The following CD109 variants were observed in gnomAD, a reference collection of about 807,000 sequenced individuals.
CD109 encodes CD109 molecule.
A neutral mutation model predicts 165.8 loss-of-function variants in CD109; 149 were observed. The observed-to-expected ratio is 0.90, with a 90% confidence interval of 0.79 to 1.03. The LOEUF (loss-of-function observed/expected upper bound fraction) is 1.03. CD109 is among the 50% of genes least tolerant of loss of function. The pLI, the probability that CD109 is intolerant of heterozygous loss-of-function variation, is 0.00. For missense variants in CD109, 1,712 were observed against 1,677.8 expected (o/e 1.02, Z -0.36); for synonymous variants, 585 against 592.1 (o/e 0.99, Z 0.18).
upstream of CD109, chr6:73,695,344 C>G (rs1770778789): frequency 6.6e-6 from 1 of 152,234 alleles, no homozygotes; most frequent in South Asian, 2.1e-4. Flanking sequence ...TCAATAACTC[C>G]TGGGCACCAC....
chr6:73,791,180 C>CAT (rs1562071040), intron 22 of CD109, among the ~76,000 whole-genome samples: 1,766 of 49,598 alleles, frequency 0.036, 132 homozygotes, highest in African/African-American at 0.1. Context: ...TATATATACA[C>CAT]ACACACACAT....
chr6:73,760,617 G>T (rs1331989719), intron 7 of CD109, among the ~76,000 whole-genome samples: 1 of 151,928 alleles, frequency 6.6e-6, no homozygotes, highest in African/African-American at 2.4e-5. Context: ...GGGCCAAACT[G>T]GGTGGATCAC....
chr6:73,729,645 C>T (rs1772283115), intron 3 of CD109, among the ~76,000 whole-genome samples: 1 of 151,934 alleles, frequency 6.6e-6, no homozygotes, highest in Admixed American at 6.6e-5. Flanking sequence ...CCCGGAGTAG[C>T]TGGGACTACA....
intron 3 of CD109, 105 bp from the exon 4 acceptor site, chr6:73,730,239 C>A: frequency 1.4e-6 from 1 of 737,790 alleles, no homozygotes; most frequent in Non-Finnish European, 2.3e-6. Context: ...ATCGCAGTTA[C>A]TTTTGATAAT....
chr6:73,766,958 CT>C lies in CD109; in HGVS notation c.1449del (p.Phe483LeufsTer11). On this transcript the variant is annotated frameshift_variant, in exon 13 of 33. Transcript: ENST00000287097. LOFTEE classifies it high-confidence loss of function. ...AAGGTTTTTTTCTAGGTGGGATCGCCTTTTGAGTTGGTGGTTAGTGGCAACA... is the reference window on the plus strand; with the variant it reads ...AAGGTTTTTTTCTAGGTGGGATCGCCTTTGAGTTGGTGGTTAGTGGCAACA... ...TRDENIKVGS[P>X]FELVVSGNKR... 1 of 1,613,242 alleles carries C rather than the reference CT, an allele frequency of 6.2e-7. No homozygotes were observed. Among genetic ancestry groups the C allele is most frequent in the Non-Finnish European group, 8.5e-7 (1 of 1,179,678 alleles).
chr6:73,810,214 T>A, intron 27 of CD109, 40 bp downstream of exon 27: 1 of 647,664 alleles, frequency 1.5e-6, no homozygotes, highest in South Asian at 5.7e-5. Flanking sequence ...CTATAATATA[T>A]AATATAGATT....
chr6:73,777,284 T>A (rs1214314589), intron 15 of CD109, among the ~76,000 whole-genome samples: 1 of 152,130 alleles, frequency 6.6e-6, no homozygotes, highest in Non-Finnish European at 1.5e-5. Flanking sequence ...AAAAAATTTT[T>A]TTTTTCTTGT....
At chr6:73,818,989 G>A (rs1269557573) in intron 31 of CD109, among the ~76,000 whole-genome samples, 1 of 152,134 alleles carries the variant, frequency 6.6e-6, no homozygotes, top group East Asian at 1.9e-4. Context: ...ATGCCACCAT[G>A]CCTAGATAAT....
At chr6:73,820,425 G>A in intron 31 of CD109, 36 bp from the exon 32 acceptor site, 4 of 1,183,232 alleles carry the variant, frequency 3.4e-6, no homozygotes, top group Non-Finnish European at 3.7e-6. Context: ...AACACACAGT[G>A]TGCCAACCCC....
chr6:73,751,676 G>A (rs2150208329), intron 5 of CD109, among the ~76,000 whole-genome samples: 1 of 152,258 alleles, frequency 6.6e-6, no homozygotes, highest in African/African-American at 2.4e-5. Context: ...ACAGCTTGAG[G>A]ATGCTCCCAG....
In CD109 at chr6:73,815,129, T is replaced by C. The variant is rs1435288470; in HGVS notation, c.3911+6T>C. On this transcript the variant is annotated splice_donor_region_variant and intron_variant, in intron 30 of 32. Coordinates refer to ENST00000287097, the MANE Select transcript of CD109 (RefSeq NM_133493.5). ...GATTTGAATGTGTGTACAAGGTAAG[T>C]GTCTGCTTAGGTCTCTCTTCTTTTT... The C allele has an allele frequency of 1.3e-6, 2 of 1,568,730 alleles. No homozygotes were observed. The highest frequency in any genetic ancestry group is 4.2e-5 in the Admixed American group (2 of 48,106).
chr6:73,781,600 C>T (rs1011962563), intron 17 of CD109, among the ~76,000 whole-genome samples: 1 of 152,096 alleles, frequency 6.6e-6, no homozygotes, highest in Non-Finnish European at 1.5e-5. Flanking sequence ...CTGGAAGCTG[C>T]TTTTCTTCTG....
Position 73,696,263 on chromosome 6 carries a change from C to T in CD109, c.48C>T (p.Cys16=), listed in dbSNP as rs751959358. The change falls in exon 1 of 33, where the codon TGC becomes TGT. Residue 16 remains cysteine (C), a synonymous_variant. Coordinates refer to ENST00000287097, the MANE Select transcript of CD109 (RefSeq NM_133493.5). ...LLTAAHLLCV[C]TAALAVAPGP... is the part of the protein sequence containing the mutation. ...CCGCCGCCCACCTCCTCTGCGTGTG[C>T]ACCGCCGCGCTGGCCGTGGCTCCCG... 5.9e-6 allele frequency: 9 copies of T among 1,532,634 alleles called. No homozygotes were observed. The East Asian group carries it at 2.0e-4, about 34-fold the overall frequency. The allele number at this position is 1,532,634 out of a possible 1,614,324, so 94.9% of individuals were successfully genotyped here.
chr6:73,681,224 G>A, the CD109 span, among the ~76,000 whole-genome samples: 1 of 151,678 alleles, frequency 6.6e-6, no homozygotes, highest in Non-Finnish European at 1.5e-5. Flanking sequence ...TATATTTAAG[G>A]TATACAATGT....
rs760476361 is a variant in CD109, at chr6:73,787,300, A to G, written c.2404A>G (p.Thr802Ala). 13 of 1,613,970 alleles carry G rather than the reference A, an allele frequency of 8.1e-6. No individual in the cohort carries two copies. Among genetic ancestry groups the G allele is most frequent in the South Asian group, 4.4e-5 (4 of 91,088 alleles). ...AATGACTTCAAATGAAATAAATGCC[A>G]CAGGCCACCAGCAGACCCTTCTGGT... ...ILMTSNEINA[T>A]GHQQTLLVPS... Residue 802 changes from threonine (T) to alanine (A), a missense_variant, in exon 21 of 33, where the codon ACA (threonine) becomes GCA (alanine). Physicochemically the swap from Thr to Ala is moderately conservative, Grantham distance 58. Coordinates refer to ENST00000287097, the MANE Select transcript of CD109 (RefSeq NM_133493.5).
chr6:73,799,520 G>T (rs914418326), intron 23 of CD109, among the ~76,000 whole-genome samples: 1 of 152,134 alleles, frequency 6.6e-6, no homozygotes, highest in African/African-American at 2.4e-5. Context: ...CCCCTAGGAA[G>T]GTCTCAGGAA....
chr6:73,804,367 A>G lies in CD109; in HGVS notation c.2960+1066A>G, dbSNP rs114129992. On this transcript the variant is annotated intron_variant, in intron 24 of 32. Transcript: ENST00000287097. ...TTTTTACCTCAGTATAGTGTTTTGT[A>G]GCAGGGACTGGCAAACTTTTCTGTA... Among the ~76,000 whole-genome samples, 961 of 152,318 alleles carry G rather than the reference A, an allele frequency of 6.3e-3. 7 individuals are homozygous for G. Among genetic ancestry groups the G allele is most frequent in the African/African-American group, 0.022 (904 of 41,566 alleles).
intron 2 of CD109, among the ~76,000 whole-genome samples, chr6:73,719,707 C>T (rs563537486): frequency 1.8e-4 from 28 of 152,278 alleles, no homozygotes; most frequent in Non-Finnish European, 2.9e-4. Context: ...CCAACACCCC[C>T]GTATTGCAAT....
chr6:73,803,689 T>TTGTGTGTG (rs71000156), intron 24 of CD109, among the ~76,000 whole-genome samples: 43,627 of 149,270 alleles, frequency 0.29, 6,307 homozygotes, highest in Admixed American at 0.34. Context: ...TAGTTTAAGT[T>TTGTGTGTG]TGTGTGTGTG....
Sources: gnomAD v4.1 joint callset for allele counts (sites outside exome capture counted in the v4.1 genomes callset) on GRCh38, gnomAD v4.1.1 for gene constraint, MANE v1.5 for transcripts, NCBI Gene and HGNC (gene_info 2026-07-23, HGNC 2026-07-21) for gene names.